Variants in RPL34 observed in about 807,000 individuals in gnomAD.
RPL34 encodes large ribosomal subunit protein eL34.
Under a neutral mutation model 16.3 loss-of-function variants are expected in RPL34, and 2 were observed. That is an observed-to-expected ratio of 0.12 (90% CI 0.05 to 0.39). The LOEUF is 0.39. Ranked by LOEUF, RPL34 falls within the 10% of genes least tolerant of loss-of-function variation. The pLI, the probability that RPL34 is intolerant of heterozygous loss-of-function variation, is 0.99. For synonymous variants in RPL34, 47 were observed against 48.5 expected (o/e 0.97, Z 0.13); for missense variants, 82 against 148.8 (o/e 0.55, Z 2.33).
Position 108,622,100 on chromosome 4 carries a change from T to A in RPL34, c.66-5T>A, listed in dbSNP as rs971692766. ...TGCTGACCTACTGACTGTTTCACTTTCTAGGTCCCGAACCCCTGGTAATAG... is the reference window on the plus strand; with the variant it reads ...TGCTGACCTACTGACTGTTTCACTTACTAGGTCCCGAACCCCTGGTAATAG... On this transcript the variant is annotated splice_region_variant and splice_polypyrimidine_tract_variant and intron_variant, in intron 2 of 4. Coordinates refer to ENST00000394667, the MANE Select transcript of RPL34 (RefSeq NM_001319236.2). 3.1e-6 allele frequency: 5 copies of A among 1,611,144 alleles called. No homozygotes were observed. Among genetic ancestry groups the A allele is most frequent in the Non-Finnish European group, 4.2e-6 (5 of 1,177,242 alleles).
chr4:108,620,694 C>T, intron 1 of RPL34, 94 bp downstream of exon 1: 1 of 215,710 alleles, frequency 4.6e-6, no homozygotes, highest in South Asian at 5.2e-5. Context: ...CAGAAGCAGT[C>T]CTTTGAGCTG....
rs368626045 is a variant in RPL34, at chr4:108,625,331, A to C, written c.*119A>C. 3 of 594,348 alleles carry C rather than the reference A, an allele frequency of 5.0e-6. No homozygotes were observed. Among genetic ancestry groups the C allele is most frequent in the East Asian group, 2.8e-5 (1 of 35,454 alleles). 36.8% of individuals were successfully genotyped at this position (594,348 alleles called of 1,614,324 possible). A position where few individuals can be genotyped will look rare whatever the true frequency, so the allele number is the denominator to read the frequency against. ...TTTCTGTATGGTATTTGGGGACCCT[A>C]TAGTTTTTAGCAGATTACTTTTTCT... On this transcript the variant is annotated 3_prime_UTR_variant, in exon 5 of 5. Coordinates refer to ENST00000394667, the MANE Select transcript of RPL34 (RefSeq NM_001319236.2).
At chr4:108,628,717 A>G (rs538565179), downstream of RPL34, among the ~76,000 whole-genome samples, 1 of 152,228 alleles carries the variant, frequency 6.6e-6, no homozygotes, top group East Asian at 1.9e-4. Flanking sequence ...TTCTTTTCCA[A>G]GAATTCTTGG....
chr4:108,629,803 A>G (rs920375182), downstream of RPL34, among the ~76,000 whole-genome samples: 1 of 152,236 alleles, frequency 6.6e-6, no homozygotes, highest in Non-Finnish European at 1.5e-5. Flanking sequence ...ACTTAATAAC[A>G]TCCTATAATC....
chr4:108,621,882 T>C (rs903829423), intron 1 of RPL34, 69 bp from the exon 2 acceptor site: 8 of 1,016,144 alleles, frequency 7.9e-6, no homozygotes, highest in African/African-American at 1.6e-5. Context: ...ATAGACCACA[T>C]GATACTGTTT....
chr4:108,625,462 C>G (rs901186964), downstream of RPL34: 1 of 326,134 alleles, frequency 3.1e-6, no homozygotes, highest in African/African-American at 2.1e-5. Flanking sequence ...CTCGGCTCAC[C>G]GCACCCTCTG....
At chr4:108,627,873 T>A (rs1008950617), downstream of RPL34, among the ~76,000 whole-genome samples, 7 of 150,842 alleles carry the variant, frequency 4.6e-5, no homozygotes, top group South Asian at 4.2e-4. Context: ...AAAAAAAAAA[T>A]TTAATTTTAA....
At chr4:108,627,470 GTTAAC>G (rs1726052995), downstream of RPL34, among the ~76,000 whole-genome samples, 1 of 152,180 alleles carries the variant, frequency 6.6e-6, no homozygotes. Flanking sequence ...CCCACTGCCA[GTTAAC>G]TTGTTCTTGG....
rs938422793 is a variant in RPL34, at chr4:108,625,362, T to C, written c.*150T>C. The C allele has an allele frequency of 8.2e-5, 43 of 524,196 alleles. No homozygotes were observed. The highest frequency in any genetic ancestry group is 1.2e-4 in the Non-Finnish European group (36 of 294,448). 32.5% of individuals were successfully genotyped at this position (524,196 alleles called of 1,614,324 possible). On this transcript the variant is annotated 3_prime_UTR_variant, in exon 5 of 5. Transcript: ENST00000394667. ...TTTAGCAGATTACTTTTTCTTGTTT[T>C]GTTTGTTGTTTGTTTGTTTTTGGTT...
chr4:108,623,813 T>C (rs1445584391), intron 4 of RPL34, among the ~76,000 whole-genome samples: 2 of 152,166 alleles, frequency 1.3e-5, no homozygotes, highest in African/African-American at 2.4e-5. Context: ...TTAATACAAA[T>C]AGGGGATAAA....
At chr4:108,624,223 T>C (rs1391744783) in intron 4 of RPL34, among the ~76,000 whole-genome samples, 2 of 152,212 alleles carry the variant, frequency 1.3e-5, no homozygotes, top group Non-Finnish European at 2.9e-5. Flanking sequence ...GCTGAGCAGG[T>C]CTGCATGTGG....
At chr4:108,629,176 A>T (rs1433491593), downstream of RPL34, among the ~76,000 whole-genome samples, 2 of 152,198 alleles carry the variant, frequency 1.3e-5, no homozygotes, top group African/African-American at 4.8e-5. Flanking sequence ...TTCCATGAAT[A>T]AAATAGACAT....
downstream of RPL34, among the ~76,000 whole-genome samples, chr4:108,628,845 CAG>C (rs1324193024): frequency 2.6e-5 from 4 of 152,104 alleles, no homozygotes; most frequent in African/African-American, 9.7e-5. Context: ...ATTTTGGAGA[CAG>C]AGTCTCACTC....
At chr4:108,624,413 G>A (rs1725910940) in intron 4 of RPL34, among the ~76,000 whole-genome samples, 1 of 152,148 alleles carries the variant, frequency 6.6e-6, no homozygotes, top group Admixed American at 6.6e-5. Flanking sequence ...AGCAAGAGGA[G>A]TGCTTTAAAC....
chr4:108,626,447 C>CT (rs34343318), downstream of RPL34, among the ~76,000 whole-genome samples: 4,286 of 117,040 alleles, frequency 0.037, 187 homozygotes, highest in African/African-American at 0.07. Flanking sequence ...GGCTGACAAC[C>CT]TTTTTTTTTT....
Position 108,622,574 on chromosome 4 carries a change from C to G in RPL34, c.225C>G (p.Ser75Arg). 2 of 1,610,160 alleles carry G rather than the reference C, an allele frequency of 1.2e-6. No individual in the cohort carries two copies. The highest frequency in any genetic ancestry group is 1.7e-6 in the Non-Finnish European group (2 of 1,178,808). The change falls in exon 4 of 5, where the codon AGC (serine) becomes AGG (arginine). Residue 75 changes from serine (S) to arginine (R), a missense_variant. Transcript: ENST00000394667. ...TGTCCAAAACAAAGAAACATGTCAG[C>G]AGGGCCTATGGTGGTTCCATGTGTG... is the stretch of plus-strand genomic sequence containing the variant. Reference protein sequence around the residue: ...MRLSKTKKHVSRAYGGSMCAK... With the variant: ...MRLSKTKKHVRRAYGGSMCAK...
intron 4 of RPL34, among the ~76,000 whole-genome samples, chr4:108,624,095 C>A (rs1343735189): frequency 1.3e-5 from 2 of 152,080 alleles, no homozygotes; most frequent in Non-Finnish European, 2.9e-5. Context: ...TAAAACTTTG[C>A]TGAACACAAA....
chr4:108,622,644 TC>T (rs776930556), intron 4 of RPL34, 26 bp downstream of exon 4: 9 of 1,420,692 alleles, frequency 6.3e-6, no homozygotes, highest in Non-Finnish European at 8.7e-6. Context: ...AAATGGGCTT[TC>T]CTTAGCAAAT....
In RPL34 at chr4:108,622,016, A is replaced by C; in HGVS notation, c.57A>C (p.Lys19Asn). Residue 19 changes from lysine (K) to asparagine (N), a missense_variant, in exon 2 of 5, where the codon AAA (lysine) becomes AAC (asparagine). By Grantham distance (94) the Lys-to-Asn change is moderately conservative. Transcript: ENST00000394667. ...RRLSYNTASN[K>N]TRLSRTPGNR... ...TTTCCTACAATACAGCCTCTAACAA[A>C]ACTAGGCTGTAAGTATTTCTGAAAA... 1 of 1,612,162 alleles carries C rather than the reference A, an allele frequency of 6.2e-7. No individual in the cohort carries two copies. The highest frequency in any genetic ancestry group is 8.5e-7 in the Non-Finnish European group (1 of 1,178,486).
Sources: gnomAD v4.1 joint callset for allele counts (sites outside exome capture counted in the v4.1 genomes callset) on GRCh38, gnomAD v4.1.1 for gene constraint, MANE v1.5 for transcripts, NCBI Gene and HGNC (gene_info 2026-07-23, HGNC 2026-07-21) for gene names.